Variants in AUTS2 observed in about 807,000 individuals in gnomAD.
AUTS2 encodes the protein autism susceptibility gene 2 protein.
A neutral mutation model predicts 112.4 loss-of-function variants in AUTS2; 17 were observed. That is an observed-to-expected ratio of 0.15 (90% CI 0.10 to 0.23). The LOEUF (loss-of-function observed/expected upper bound fraction) is 0.23. AUTS2 is among the 10% of genes least tolerant of loss of function. The probability of loss-of-function intolerance (pLI) is 1.00; values close to 1 mark genes in which losing one functional copy is unlikely to be tolerated. For synonymous variants in AUTS2, 751 were observed against 702.7 expected (o/e 1.07, Z -1.09); for missense variants, 1,510 against 1,701.6 (o/e 0.89, Z 1.98).
chr7:70,430,066 A>ATGACAAAATTGTG (rs1795589848), intron 4 of AUTS2, among the ~76,000 whole-genome samples: 1 of 152,128 alleles, frequency 6.6e-6, no homozygotes, highest in Non-Finnish European at 1.5e-5. Flanking sequence ...ATCCTCTTGT[A>ATGACAAAATTGTG]ATGACAAAAT....
chr7:69,807,982 T>C (rs1790383293), intron 1 of AUTS2, among the ~76,000 whole-genome samples: 1 of 150,326 alleles, frequency 6.7e-6, no homozygotes, highest in African/African-American at 2.5e-5. Context: ...CTTGCTCTGT[T>C]GCCCAGGCTG....
intron 4 of AUTS2, among the ~76,000 whole-genome samples, chr7:70,393,940 A>G (rs1208368259): frequency 6.6e-6 from 1 of 152,144 alleles, no homozygotes; most frequent in Non-Finnish European, 1.5e-5. Context: ...TCACCTTGAC[A>G]TCTTTTCGGC....
chr7:70,278,911 A>G (rs1788072706), intron 4 of AUTS2, among the ~76,000 whole-genome samples: 1 of 152,218 alleles, frequency 6.6e-6, no homozygotes, highest in African/African-American at 2.4e-5. Flanking sequence ...TCTACTAAAT[A>G]ATGTTAAGTA....
chr7:70,193,839 C>T (rs2129583949), intron 4 of AUTS2, among the ~76,000 whole-genome samples: 1 of 152,280 alleles, frequency 6.6e-6, no homozygotes. Flanking sequence ...TTATTTAAAT[C>T]TCAGACCTAA....
intron 2 of AUTS2, among the ~76,000 whole-genome samples, chr7:70,005,842 CAA>C (rs10568258): frequency 0.083 from 12,625 of 152,134 alleles, 615 homozygotes; most frequent in East Asian, 0.13. Context: ...GTGCATGTTC[CAA>C]AGTTTTTTGA....
chr7:70,567,798 C>T (rs892228514), intron 5 of AUTS2, among the ~76,000 whole-genome samples: 3 of 152,182 alleles, frequency 2.0e-5, no homozygotes, highest in Admixed American at 1.3e-4. Context: ...GCACTAAGGG[C>T]GCTCCTCCCA....
chr7:70,604,555 A>T (rs1803632837), intron 5 of AUTS2, among the ~76,000 whole-genome samples: 1 of 152,256 alleles, frequency 6.6e-6, no homozygotes, highest in Admixed American at 6.5e-5. Context: ...AGGACAGGTA[A>T]CACTTGCCCC....
intron 5 of AUTS2, among the ~76,000 whole-genome samples, chr7:70,627,727 A>C (rs948266373): frequency 1.3e-5 from 2 of 152,242 alleles, no homozygotes; most frequent in Non-Finnish European, 2.9e-5. Flanking sequence ...TCCCACATGC[A>C]ATGGAAAAAG....
intron 4 of AUTS2, among the ~76,000 whole-genome samples, chr7:70,267,739 G>A (rs908093535): frequency 6.6e-6 from 1 of 152,148 alleles, no homozygotes; most frequent in Non-Finnish European, 1.5e-5. Context: ...TTCTAATATG[G>A]TAAATGGGAG....
At chr7:70,458,031 C>T (rs1283295597) in intron 5 of AUTS2, among the ~76,000 whole-genome samples, 1 of 115,414 alleles carries the variant, frequency 8.7e-6, no homozygotes, top group Non-Finnish European at 2.0e-5. Context: ...GAACACAAAG[C>T]CCCACAACCG....
At chr7:70,036,918 T>C (rs1801030299) in intron 2 of AUTS2, among the ~76,000 whole-genome samples, 1 of 152,216 alleles carries the variant, frequency 6.6e-6, no homozygotes, top group Admixed American at 6.5e-5. Flanking sequence ...ACAGGTTCTT[T>C]CCTTGTAAAA....
At chr7:69,625,669 G>C (rs1793910490) in intron 1 of AUTS2, among the ~76,000 whole-genome samples, 1 of 152,038 alleles carries the variant, frequency 6.6e-6, no homozygotes, top group Non-Finnish European at 1.5e-5. Flanking sequence ...GACCAGCCTG[G>C]GAAAAACAGT....
chr7:69,851,454 T>C (rs1792478022), intron 1 of AUTS2, among the ~76,000 whole-genome samples: 1 of 152,216 alleles, frequency 6.6e-6, no homozygotes, highest in South Asian at 2.1e-4. Flanking sequence ...CTCGCCATGT[T>C]GCTCAGGCTG....
intron 6 of AUTS2, among the ~76,000 whole-genome samples, chr7:70,746,135 A>G (rs1337245100): frequency 6.6e-6 from 1 of 151,482 alleles, no homozygotes; most frequent in African/African-American, 2.4e-5. Context: ...GAAGAGCAGT[A>G]AGGTTTTTTG....
At chr7:69,711,907 A>G (rs903295943) in intron 1 of AUTS2, among the ~76,000 whole-genome samples, 1 of 152,200 alleles carries the variant, frequency 6.6e-6, no homozygotes, top group Non-Finnish European at 1.5e-5. Context: ...ATGTATATGA[A>G]ATGAGTTGTA....
At chr7:69,864,563 A>G (rs1001612993) in intron 1 of AUTS2, among the ~76,000 whole-genome samples, 2 of 152,236 alleles carry the variant, frequency 1.3e-5, no homozygotes, top group African/African-American at 2.4e-5. Context: ...GGATTCAAAT[A>G]ATAAAAGGGG....
intron 2 of AUTS2, among the ~76,000 whole-genome samples, chr7:70,033,552 A>G (rs1351712932): frequency 6.6e-6 from 1 of 152,216 alleles, no homozygotes. Context: ...TTGGCAGAGA[A>G]AGCAGTAGAG....
chr7:69,882,155 A>G (rs1310184370), intron 1 of AUTS2, among the ~76,000 whole-genome samples: 7 of 79,958 alleles, frequency 8.8e-5, no homozygotes. Flanking sequence ...TGTCTCAAAA[A>G]AAAAAAAAAA....
chr7:70,764,047 G>C (rs760277081), intron 7 of AUTS2, among the ~76,000 whole-genome samples: 1 of 152,168 alleles, frequency 6.6e-6, no homozygotes, highest in Non-Finnish European at 1.5e-5. Context: ...GCCGAGCCCT[G>C]GTGCCCCGGG....
Sources: allele counts gnomAD v4.1 joint callset (sites outside exome capture counted in the v4.1 genomes callset), GRCh38; gene constraint gnomAD v4.1.1; transcripts MANE v1.5; gene names NCBI Gene and HGNC (gene_info 2026-07-23, HGNC 2026-07-21).